CHD4: variants seen among roughly 807,000 people sequenced by gnomAD.
CHD4 encodes the protein chromodomain helicase DNA binding protein 4.
In CHD4, 35 loss-of-function variants were observed where a neutral mutation model predicts 235.5. That is an observed-to-expected ratio of 0.15 (90% CI 0.11 to 0.20). CHD4 has a LOEUF of 0.20. CHD4 is among the 10% of genes least tolerant of loss of function. The pLI is 1.00. For synonymous variants in CHD4, 900 were observed against 850.2 expected (o/e 1.06, Z -1.02); for missense variants, 1,329 against 2,432.3 (o/e 0.55, Z 9.54).
rs1948698682 is a variant in CHD4 at position 6,606,354 on chromosome 12, G to T, written c.20C>A (p.Ser7Tyr). 2 of 1,571,792 alleles carry T rather than the reference G, an allele frequency of 1.3e-6. No individual in the cohort carries two copies. The highest frequency in any genetic ancestry group is 1.4e-5 in the African/African-American group (1 of 71,380). The change falls in exon 2 of 40, where the codon TCC becomes TAC. Residue 7 changes from serine to tyrosine, a missense_variant. Around this residue, in one of 26 missense-constraint regions of CHD4, gnomAD observed 213 missense variants for 177.5 expected, o/e 1.20. Transcript: ENST00000544040. ...ACTGCCCGCCGAGCAGGGGGACGGG[G>T]AGCCCAGGCCCGACGCCATCCCCTT... MASGLGSPSPCSAGSEE... is the reference protein window; with the variant it reads MASGLGYPSPCSAGSEE...
At chr12:6,578,944 A>G in intron 33 of CHD4, 27 bp from the exon 34 acceptor site, 2 of 1,599,786 alleles carry the variant, frequency 1.3e-6, no homozygotes, top group African/African-American at 1.3e-5. Flanking sequence ...TATTGAGACT[A>G]TACCTAAAGG....
At position 6,601,410 on chromosome 12, in the gene CHD4, C is replaced by T. The variant is rs1948589996; in HGVS notation, c.678G>A (p.Val226=). 1.2e-6 allele frequency: 2 copies of T among 1,614,042 alleles called. No individual in the cohort carries two copies. Among genetic ancestry groups the T allele is most frequent in the Admixed American group, 3.3e-5 (2 of 60,010 alleles). ...NPFKGSSGAS[V]AAAAAAAVAV... ...CTACCGCTGCTGCTGCCGCAGCTGCCACTGATGCCCCAGAACTGCCTTTGA... is the reference window on the plus strand; with the variant it reads ...CTACCGCTGCTGCTGCCGCAGCTGCTACTGATGCCCCAGAACTGCCTTTGA... The change falls in exon 6 of 40, where the codon GTG becomes GTA. Residue 226 remains valine (V), a synonymous_variant. Transcript: ENST00000544040.
chr12:6,598,448 A>T, intron 10 of CHD4, 23 bp from the exon 11 acceptor site: 17 of 1,551,692 alleles, frequency 1.1e-5, no homozygotes, highest in Non-Finnish European at 1.5e-5. Flanking sequence ...GAGACAACTT[A>T]ATCTCAAATC....
chr12:6,594,071 G>T (rs1022908248), intron 15 of CHD4, among the ~76,000 whole-genome samples: 8 of 152,166 alleles, frequency 5.3e-5, no homozygotes, highest in African/African-American at 1.9e-4. Flanking sequence ...CTGACCTCAG[G>T]TGATCCACCA....
chr12:6,592,887 A>C (rs968406107), intron 17 of CHD4, 70 bp from the exon 18 acceptor site: 65 of 1,566,164 alleles, frequency 4.2e-5, no homozygotes, highest in Non-Finnish European at 5.3e-5. Flanking sequence ...ACAAAATTTC[A>C]AGTTTTTCAC....
intron 8 of CHD4, 64 bp from the exon 9 acceptor site, chr12:6,600,459 C>CCCCAAAAA: frequency 6.2e-7 from 1 of 1,605,080 alleles, no homozygotes; most frequent in Non-Finnish European, 8.5e-7. Flanking sequence ...CCCCCCGACC[C>CCCCAAAAA]CTATCTCCTT....
intron 13 of CHD4, 114 bp from the exon 14 acceptor site, chr12:6,595,544 T>A (rs1353867460): frequency 1.2e-6 from 1 of 850,062 alleles, no homozygotes; most frequent in Non-Finnish European, 1.9e-6. Flanking sequence ...GGCCAGCACT[T>A]TGGGAGGCTG....
chr12:6,586,413 T>C (rs1383802189), intron 25 of CHD4, among the ~76,000 whole-genome samples: 2 of 151,194 alleles, frequency 1.3e-5, no homozygotes, highest in Non-Finnish European at 2.9e-5. Context: ...AATAAATAAA[T>C]AAATACATAC....
At chr12:6,598,987 C>T (rs561780659) in intron 10 of CHD4, among the ~76,000 whole-genome samples, 27 of 152,200 alleles carry the variant, frequency 1.8e-4, no homozygotes, top group Middle Eastern at 3.2e-3. Flanking sequence ...TTCTGGACAT[C>T]GTCCAGGATT....
At chr12:6,573,531 T>C (rs936925413) in intron 37 of CHD4, 7 of 267,204 alleles carry the variant, frequency 2.6e-5, no homozygotes, top group African/African-American at 8.8e-5. Context: ...ATTTAGAAAA[T>C]AGAATATCAA....
chr12:6,573,509 G>C (rs986140711), intron 37 of CHD4: 6 of 309,984 alleles, frequency 1.9e-5, no homozygotes, highest in Non-Finnish European at 2.9e-5. Context: ...ATACAAAAGC[G>C]ATAAAAACTC....
intron 2 of CHD4, 100 bp downstream of exon 2, chr12:6,606,174 C>G (rs1948693099): frequency 1.9e-5 from 15 of 799,442 alleles, no homozygotes; most frequent in South Asian, 5.2e-5. Context: ...CGGCTCTGCA[C>G]AGAGACAGCG....
intron 35 of CHD4, 99 bp downstream of exon 35, chr12:6,578,310 C>CAGAGGTAA: frequency 6.8e-7 from 1 of 1,471,838 alleles, no homozygotes; most frequent in Non-Finnish European, 9.3e-7. Flanking sequence ...CCTCATCAAA[C>CAGAGGTAA]AGAGGTAAAG....
At position 6,575,449 on chromosome 12, in the gene CHD4, C is replaced by CAA. The variant is rs201602922; in HGVS notation, c.5362-2182_5362-2181dup. ...TGGGCAACTGAGTAAGACTTTGTCT[C>CAA]AAAAAAAAAAAAAAAAAAAGGGTTT... is the stretch of plus-strand genomic sequence containing the variant. On this transcript the variant is annotated intron_variant, in intron 37 of 39. Transcript: ENST00000544040. Among the ~76,000 whole-genome samples the CAA allele has an allele frequency of 7.6e-3, 444 of 58,424 alleles. 4 individuals are homozygous for CAA. The Middle Eastern group carries it at 0.086, about 11-fold the overall frequency. The allele number at this position is 58,424 out of a possible 152,430, so 38.3% of individuals were successfully genotyped here.
Position 6,597,876 on chromosome 12 carries a change from C to T in CHD4, c.1892+18G>A, listed in dbSNP as rs773093618. On this transcript the variant is annotated intron_variant, in intron 12 of 39. Coordinates refer to ENST00000544040, the MANE Select transcript of CHD4 (RefSeq NM_001273.5). The stretch of plus-strand genomic sequence containing the variant: ...TCTCCCACGGAGACTGCCCGTCTCC[C>T]GTGTGCTCAGCTGGTACCTGTGGTT... The T allele has an allele frequency of 6.8e-6, 11 of 1,612,480 alleles. 1 individual carries two copies. Among genetic ancestry groups the T allele is most frequent in the South Asian group, 4.4e-5 (4 of 91,052 alleles).
At chr12:6,601,917 CAA>C (rs780671489) in intron 4 of CHD4, 41 bp downstream of exon 4, 2 of 1,602,896 alleles carry the variant, frequency 1.2e-6, no homozygotes, top group African/African-American at 1.3e-5. Context: ...AACAAAAAGA[CAA>C]AAGTTTAACA....
intron 37 of CHD4, among the ~76,000 whole-genome samples, chr12:6,577,374 G>C (rs1438662592): frequency 2.0e-5 from 3 of 146,488 alleles, no homozygotes. Context: ...GTGAGCAGAG[G>C]CTGCATCACT....
chr12:6,592,274 T>G (rs1948414442), intron 19 of CHD4, 119 bp downstream of exon 19: 1 of 1,376,596 alleles, frequency 7.3e-7, no homozygotes, highest in East Asian at 2.3e-5. Context: ...ATCAGGTTTC[T>G]TCAGGCCTTG....
At chr12:6,573,763 C>T (rs766397469) in intron 37 of CHD4, among the ~76,000 whole-genome samples, 2 of 152,150 alleles carry the variant, frequency 1.3e-5, no homozygotes, top group African/African-American at 2.4e-5. Flanking sequence ...GTGGCTCACA[C>T]CTGTAATCCC....
Sources: gnomAD v4.1 joint callset for allele counts (sites outside exome capture counted in the v4.1 genomes callset) on GRCh38, gnomAD v4.1.1 for gene constraint, gnomAD v4.1.1 regional missense constraint, MANE v1.5 for transcripts, NCBI Gene and HGNC (gene_info 2026-07-23, HGNC 2026-07-21) for gene names.